BRD7: variants seen among roughly 807,000 people sequenced by gnomAD.
BRD7 encodes bromodomain containing 7.
BRD7 carries 15 observed loss-of-function variants against 82.1 expected under a neutral mutation model. The ratio of observed to expected loss-of-function variants is 0.18; its 90% confidence interval spans 0.12 to 0.28. BRD7 has a LOEUF of 0.28. Ranked by LOEUF, BRD7 falls within the 10% of genes least tolerant of loss-of-function variation. The pLI, the probability that BRD7 is intolerant of heterozygous loss-of-function variation, is 1.00. For synonymous variants in BRD7, 232 were observed against 266.9 expected (o/e 0.87, Z 1.27); for missense variants, 638 against 779.9 (o/e 0.82, Z 2.17).
At chr16:50,350,954 G>A (rs2038495697) in intron 4 of BRD7, among the ~76,000 whole-genome samples, 1 of 152,106 alleles carries the variant, frequency 6.6e-6, no homozygotes, top group Non-Finnish European at 1.5e-5. Flanking sequence ...ATTGGCATTG[G>A]GATTTGAATA....
In BRD7 at chr16:50,320,339, T is replaced by A. The variant is rs1737430819; in HGVS notation, c.1665A>T (p.Glu555Asp). The A allele has an allele frequency of 6.2e-7, 1 of 1,613,978 alleles. No individual in the cohort carries two copies. Among genetic ancestry groups the A allele is most frequent in the African/African-American group, 1.3e-5 (1 of 74,886 alleles). ...AACGTTCATTCTGGGCTTCCTGGAGTTCCCTGAGCAATCTGGTGGTCTCAT... is the reference window on the plus strand; with the variant it reads ...AACGTTCATTCTGGGCTTCCTGGAGATCCCTGAGCAATCTGGTGGTCTCAT... ...KLDETTRLLRELQEAQNERLS... is the reference protein window; with the variant it reads ...KLDETTRLLRDLQEAQNERLS... The change falls in exon 15 of 17, where the codon GAA becomes GAT. Residue 555 changes from glutamate (E) to aspartate (D), a missense_variant. Glu to Asp is a conservative substitution (Grantham distance 45, BLOSUM62 2). Around this residue, in one of 3 missense-constraint regions of BRD7, gnomAD observed 402 missense variants for 500.8 expected, o/e 0.80. Coordinates refer to ENST00000394688, the MANE Select transcript of BRD7 (RefSeq NM_013263.5).
At position 50,368,116 on chromosome 16, in the gene BRD7, T is replaced by G; in HGVS notation, c.232A>C (p.Lys78Gln). ...TTAACTCTTCTCCGTTTTCTCCCCT[T>G]TTCTTCCCCTGGAATCTGCTTCTCT... is the stretch of plus-strand genomic sequence containing the variant. ...KGEKQIPGEE[K>Q]GRKRRRVKED... Residue 78 changes from lysine (K) to glutamine (Q), a missense_variant, in exon 2 of 17, where the codon AAG becomes CAG. By Grantham distance (53) the Lys-to-Gln change is moderately conservative. Around this residue, in one of 3 missense-constraint regions of BRD7, gnomAD observed 172 missense variants for 155.3 expected, o/e 1.11. Transcript: ENST00000394688. 6.2e-7 allele frequency: 1 copy of G among 1,614,018 alleles called. No individual in the cohort carries two copies. The highest frequency in any genetic ancestry group is 1.1e-5 in the South Asian group (1 of 91,082).
chr16:50,345,785 T>TAAAAAG (rs1420230056), intron 5 of BRD7, among the ~76,000 whole-genome samples: 2 of 152,166 alleles, frequency 1.3e-5, no homozygotes, highest in Non-Finnish European at 2.9e-5. Context: ...CTGAGTTACC[T>TAAAAAG]AAAAAGAGAC....
At chr16:50,347,362 A>C (rs531199932) in intron 5 of BRD7, among the ~76,000 whole-genome samples, 108 of 152,150 alleles carry the variant, frequency 7.1e-4, no homozygotes, top group African/African-American at 2.2e-3. Flanking sequence ...GACAGGGATG[A>C]CCTCTCTCAC....
At chr16:50,350,857 G>A (rs2038490414) in intron 4 of BRD7, among the ~76,000 whole-genome samples, 1 of 152,186 alleles carries the variant, frequency 6.6e-6, no homozygotes, top group Non-Finnish European at 1.5e-5. Context: ...GGAAGAAGCG[G>A]GAGGAAGACT....
Position 50,322,058 on chromosome 16 carries a change from C to A in BRD7, c.1444-20G>T. 1 of 1,581,042 alleles carries A rather than the reference C, an allele frequency of 6.3e-7. No individual in the cohort carries two copies. The highest frequency in any genetic ancestry group is 8.5e-7 in the Non-Finnish European group (1 of 1,170,288). The stretch of plus-strand genomic sequence containing the variant: ...CAATGACTATAAGGATGAAGAAAAA[C>A]AGCTTTTTAGGAAAACACATGAAGG... On this transcript the variant is annotated intron_variant, in intron 12 of 16. Coordinates refer to ENST00000394688, the MANE Select transcript of BRD7 (RefSeq NM_013263.5).
chr16:50,354,691 A>G, intron 3 of BRD7, 102 bp downstream of exon 3: 1 of 1,454,514 alleles, frequency 6.9e-7, no homozygotes, highest in East Asian at 2.3e-5. Flanking sequence ...TTAAAAATTC[A>G]ATCACAAAGC....
chr16:50,319,818 G>C (rs965519680), intron 16 of BRD7, 69 bp downstream of exon 16: 4 of 1,540,970 alleles, frequency 2.6e-6, no homozygotes, highest in Non-Finnish European at 3.5e-6. Flanking sequence ...TACCAATCTC[G>C]GGCAGACACT....
intron 5 of BRD7, among the ~76,000 whole-genome samples, chr16:50,342,585 C>CG (rs1399987508): frequency 6.6e-6 from 1 of 151,402 alleles, no homozygotes; most frequent in Non-Finnish European, 1.5e-5. Context: ...CACACTCAGC[C>CG]AATTTTTTTG....
chr16:50,326,578 C>A (rs2037349636), intron 9 of BRD7, among the ~76,000 whole-genome samples, 187 bp from the exon 10 acceptor site: 2 of 152,124 alleles, frequency 1.3e-5, no homozygotes, highest in South Asian at 4.1e-4. Flanking sequence ...ATAGCCAGGA[C>A]CAAAACTCAG....
At chr16:50,334,300 C>T (rs1017226499) in intron 7 of BRD7, among the ~76,000 whole-genome samples, 1 of 152,206 alleles carries the variant, frequency 6.6e-6, no homozygotes, top group Non-Finnish European at 1.5e-5. Context: ...AACATGGGCA[C>T]GCTGCAGTGA....
chr16:50,358,350 T>TCCCGTCTCTACAAAAAATACAAAAATTAG (rs61455994), intron 2 of BRD7, among the ~76,000 whole-genome samples: 114,255 of 151,036 alleles, frequency 0.76, 43,641 homozygotes, highest in Non-Finnish European at 0.82. Flanking sequence ...CATAGCGAAA[T>TCCCGTCTCTACAAAAAATACAAAAATTAG]CCAGGAGTTT....
At chr16:50,367,817 A>G (rs1488504040) in intron 2 of BRD7, among the ~76,000 whole-genome samples, 1 of 152,214 alleles carries the variant, frequency 6.6e-6, no homozygotes. Flanking sequence ...TACCCTGCCT[A>G]GATGGAAAAA....
At chr16:50,324,251 A>C (rs539778652) in intron 11 of BRD7, among the ~76,000 whole-genome samples, 4 of 152,034 alleles carry the variant, frequency 2.6e-5, no homozygotes, top group African/African-American at 9.7e-5. Context: ...ATCCCACTTC[A>C]ATCAGTAAAG....
intron 12 of BRD7, 133 bp downstream of exon 12, chr16:50,323,454 C>G: frequency 1.4e-6 from 1 of 718,776 alleles, no homozygotes; most frequent in South Asian, 1.8e-5. Flanking sequence ...TGGCCTCCAG[C>G]CGGGCTGGGC....
chr16:50,337,472 C>T (rs1019053390), intron 6 of BRD7, among the ~76,000 whole-genome samples: 1 of 152,006 alleles, frequency 6.6e-6, no homozygotes, highest in African/African-American at 2.4e-5. Context: ...GTTGGTCATG[C>T]TGGTCTCAAA....
chr16:50,346,673 T>C (rs960778979), intron 5 of BRD7, among the ~76,000 whole-genome samples: 1 of 152,078 alleles, frequency 6.6e-6, no homozygotes, highest in Non-Finnish European at 1.5e-5. Context: ...CTAGAAGAAA[T>C]GGATAAATTC....
intron 2 of BRD7, among the ~76,000 whole-genome samples, chr16:50,367,254 G>A (rs1000992796): frequency 1.3e-5 from 2 of 152,132 alleles, no homozygotes; most frequent in South Asian, 4.1e-4. Context: ...ACAGAGTCTC[G>A]TATTATTGCC....
At chr16:50,334,611 C>T (rs2037714305) in intron 7 of BRD7, 100 bp downstream of exon 7, 1 of 1,397,646 alleles carries the variant, frequency 7.2e-7, no homozygotes, top group African/African-American at 1.4e-5. Context: ...CACCGACACA[C>T]TAGCACTTGG....
Sources: allele counts gnomAD v4.1 joint callset (sites outside exome capture counted in the v4.1 genomes callset), GRCh38; gene constraint gnomAD v4.1.1; regional missense constraint gnomAD v4.1.1; transcripts MANE v1.5; gene names NCBI Gene and HGNC (gene_info 2026-07-23, HGNC 2026-07-21).